The following PDPN variants were observed in gnomAD, a reference collection of about 807,000 sequenced individuals.
PDPN encodes podoplanin.
PDPN carries 12 observed loss-of-function variants against 23.2 expected under a neutral mutation model. The ratio of observed to expected loss-of-function variants is 0.52; its 90% CI spans 0.33 to 0.84. The LOEUF is 0.84. Ranked by LOEUF, PDPN falls within the 40% of genes least tolerant of loss-of-function variation. The pLI is 0.02. For missense variants in PDPN, 199 were observed against 212.2 expected (o/e 0.94, Z 0.39); for synonymous variants, 77 against 76.7 (o/e 1.00, Z -0.02).
chr1:13,592,108 T>C lies in PDPN; in HGVS notation c.67+8008T>C, dbSNP rs180770853. On this transcript the variant is annotated intron_variant, in intron 1 of 5. Coordinates refer to ENST00000621990, the MANE Select transcript of PDPN (RefSeq NM_006474.5). ...TATGCACTTCTTCGCCAATTGTGTATCTTTGGAGATATGTTTGTTTAAATC... is the reference window on the plus strand; with the variant it reads ...TATGCACTTCTTCGCCAATTGTGTACCTTTGGAGATATGTTTGTTTAAATC... Among the ~76,000 whole-genome samples the C allele has an allele frequency of 1.9e-3, 292 of 152,366 alleles. 3 individuals are homozygous for C. The highest frequency in any genetic ancestry group is 0.017 in the Admixed American group (265 of 15,304).
At position 13,616,961 on chromosome 1, in the gene PDPN, A is replaced by C. The variant is rs1456147892; in HGVS notation, c.*1050A>C. On this transcript the variant is annotated 3_prime_UTR_variant, in exon 6 of 6. Coordinates refer to ENST00000621990, the MANE Select transcript of PDPN (RefSeq NM_006474.5). The stretch of plus-strand genomic sequence containing the variant: ...TCTGAGGAAAGATACAGGGAACAAA[A>C]ATCAATTTGTACAGTCTTAATATTA... 2 of 152,194 alleles carry C rather than the reference A, an allele frequency of 1.3e-5. No homozygotes were observed. Among genetic ancestry groups the C allele is most frequent in the Non-Finnish European group, 2.9e-5 (2 of 68,044 alleles). The allele number at this position is 152,194 out of a possible 1,614,324, so 9.4% of individuals were successfully genotyped here.
At chr1:13,592,419 C>T (rs971697467) in intron 1 of PDPN, among the ~76,000 whole-genome samples, 5 of 151,956 alleles carry the variant, frequency 3.3e-5, no homozygotes, top group Non-Finnish European at 7.4e-5. Context: ...ACAGTTTTAG[C>T]TCTGATATTT....
intron 1 of PDPN, among the ~76,000 whole-genome samples, chr1:13,597,071 G>A (rs191528226): frequency 3.3e-5 from 5 of 152,074 alleles, no homozygotes; most frequent in Non-Finnish European, 7.4e-5. Context: ...AACAGAAGTC[G>A]GTGTTTTTGT....
intron 3 of PDPN, among the ~76,000 whole-genome samples, chr1:13,613,264 A>T (rs371872937): frequency 1.3e-5 from 2 of 152,316 alleles, no homozygotes; most frequent in East Asian, 1.9e-4. Flanking sequence ...TAAAGTATTA[A>T]TCTCAAAGTG....
intron 1 of PDPN, among the ~76,000 whole-genome samples, chr1:13,588,328 A>AGG (rs1362296479): frequency 1.3e-5 from 2 of 152,104 alleles, no homozygotes; most frequent in African/African-American, 4.8e-5. Flanking sequence ...GAAGCAGGAA[A>AGG]GGGGCATGCT....
chr1:13,610,578 A>C, intron 3 of PDPN, 62 bp downstream of exon 3: 1 of 1,553,646 alleles, frequency 6.4e-7, no homozygotes, highest in Non-Finnish European at 8.8e-7. Flanking sequence ...TGCATTCCAA[A>C]GTCCATCAAC....
At chr1:13,590,299 C>T (rs1272767900) in intron 1 of PDPN, among the ~76,000 whole-genome samples, 5 of 152,234 alleles carry the variant, frequency 3.3e-5, no homozygotes, top group African/African-American at 1.2e-4. Context: ...AGAGAGGAAG[C>T]ATATGCTGTG....
chr1:13,616,176 A>T lies in PDPN; in HGVS notation c.*265A>T. The T allele has an allele frequency of 3.7e-6, 2 of 538,166 alleles. No homozygotes were observed. The highest frequency in any genetic ancestry group is 6.2e-5 in the East Asian group (2 of 32,026). 33.3% of individuals were successfully genotyped at this position (538,166 alleles called of 1,614,324 possible). On this transcript the variant is annotated 3_prime_UTR_variant, in exon 6 of 6. Coordinates refer to ENST00000621990, the MANE Select transcript of PDPN (RefSeq NM_006474.5). ...TATTTGAAAGACAAAATTCATAGAA[A>T]ATGGAGCAAAACTGTATAAACTGAT...
At chr1:13,586,791 G>A (rs1640191263) in intron 1 of PDPN, among the ~76,000 whole-genome samples, 1 of 149,632 alleles carries the variant, frequency 6.7e-6, no homozygotes, top group Non-Finnish European at 1.5e-5. Flanking sequence ...AAAGAGGCTG[G>A]GCATGGTGGC....
rs1557531787 is a variant in PDPN, at chr1:13,584,205, CG to C, written c.67+110del. On this transcript the variant is annotated intron_variant, in intron 1 of 5. Coordinates refer to ENST00000621990, the MANE Select transcript of PDPN (RefSeq NM_006474.5). ...GTATTCGAGGTTGTCCAGGGGAGCG[CG>C]GGGGAGCTGAGGGTGTGTGCGTGTC... is the stretch of plus-strand genomic sequence containing the variant. The C allele has an allele frequency of 3.3e-6, 5 of 1,522,822 alleles. No homozygotes were observed. The South Asian group carries it at 3.5e-5, about 11-fold the overall frequency. 94.3% of individuals were successfully genotyped at this position (1,522,822 alleles called of 1,614,324 possible).
At chr1:13,613,652 A>T in intron 3 of PDPN, 35 bp from the exon 4 acceptor site, 1 of 1,061,566 alleles carries the variant, frequency 9.4e-7, no homozygotes, top group Non-Finnish European at 1.5e-6. Context: ...ATTAAACCCT[A>T]ATAATTCTAC....
intron 1 of PDPN, among the ~76,000 whole-genome samples, chr1:13,603,252 G>A (rs1360684982): frequency 6.6e-6 from 1 of 151,988 alleles, no homozygotes; most frequent in Non-Finnish European, 1.5e-5. Context: ...GCGTGGTGGT[G>A]CACACCTGTA....
At chr1:13,614,250 G>C (rs771260044) in intron 4 of PDPN, 50 bp from the exon 5 acceptor site, 3 of 892,492 alleles carry the variant, frequency 3.4e-6, no homozygotes, top group South Asian at 1.4e-5. Context: ...TTTTATCACC[G>C]ATGTATTTTT....
chr1:13,613,381 A>G (rs896931006), intron 3 of PDPN, among the ~76,000 whole-genome samples: 1 of 152,164 alleles, frequency 6.6e-6, no homozygotes, highest in African/African-American at 2.4e-5. Context: ...CTCCTTGATC[A>G]TTTATTTAAG....
intron 1 of PDPN, chr1:13,584,391 G>A: frequency 3.1e-6 from 4 of 1,292,914 alleles, no homozygotes; most frequent in South Asian, 1.5e-5. Context: ...CAGAGAGATC[G>A]GGTGGAAGGT....
rs569156110 is a variant in PDPN at position 13,596,594 on chromosome 1, G to A, written c.68-10579G>A. ...TGGGTTAGGGAGTGGCTTTCTTCGT[G>A]TAAAGGAGCTTTGGGACTTCAGAGG... On this transcript the variant is annotated intron_variant, in intron 1 of 5. Transcript: ENST00000621990. Among the ~76,000 whole-genome samples the A allele has an allele frequency of 1.1e-3, 164 of 152,336 alleles. 1 individual carries two copies. Among genetic ancestry groups the A allele is most frequent in the African/African-American group, 3.4e-3 (141 of 41,586 alleles).
chr1:13,612,933 A>T (rs1772641), intron 3 of PDPN, among the ~76,000 whole-genome samples: 1 of 151,772 alleles, frequency 6.6e-6, no homozygotes, highest in African/African-American at 2.4e-5. Flanking sequence ...AAACTAGTCA[A>T]TAGCCACCAC....
chr1:13,584,220 T>C, intron 1 of PDPN, 120 bp downstream of exon 1: 1 of 1,518,642 alleles, frequency 6.6e-7, no homozygotes, highest in Non-Finnish European at 8.8e-7. Context: ...GAGCTGAGGG[T>C]GTGTGCGTGT....
chr1:13,583,869 G>C lies in PDPN; in HGVS notation c.-165G>C. The C allele has an allele frequency of 8.1e-6, 13 of 1,606,168 alleles. No homozygotes were observed. Among genetic ancestry groups the C allele is most frequent in the Non-Finnish European group, 1.1e-5 (13 of 1,176,064 alleles). ...TGCTGTCCGGCTGCCTAGGGTCTGG[G>C]AAGCTCGGGCACCCTCCCTCTCCGG... On this transcript the variant is annotated 5_prime_UTR_variant, in exon 1 of 6. Coordinates refer to ENST00000621990, the MANE Select transcript of PDPN (RefSeq NM_006474.5).
Sources: gnomAD v4.1 joint callset for allele counts (sites outside exome capture counted in the v4.1 genomes callset) on GRCh38, gnomAD v4.1.1 for gene constraint, MANE v1.5 for transcripts, NCBI Gene and HGNC (gene_info 2026-07-23, HGNC 2026-07-21) for gene names.